The following CNTN5 variants were observed in gnomAD, a reference collection of about 807,000 sequenced individuals.
CNTN5 encodes contactin-5.
In CNTN5, 77 loss-of-function variants were observed where a neutral mutation model predicts 129.1. The observed-to-expected ratio is 0.60, with a 90% CI of 0.50 to 0.72. The LOEUF (loss-of-function observed/expected upper bound fraction) is 0.72, where lower values mean the gene tolerates loss of function less well. Ranked by LOEUF, CNTN5 falls within the 30% of genes least tolerant of loss-of-function variation. CNTN5 has a pLI of 0.00. For synonymous variants in CNTN5, 509 were observed against 465.6 expected, an observed-to-expected ratio of 1.09 and a Z score of -1.20; for missense variants, 1,478 against 1,328.8, an observed-to-expected ratio of 1.11 and a Z score of -1.75.
chr11:100,345,591 A>G (rs1952262597), intron 23 of CNTN5, among the ~76,000 whole-genome samples: 1 of 147,130 alleles, frequency 6.8e-6, no homozygotes. Context: ...AAAAAAAAAG[A>G]GGTTTCCCTA....
rs143116013 is a variant in CNTN5, at chr11:99,126,105, T to C, written c.-210+104835T>C. 3.4e-4 allele frequency among the ~76,000 whole-genome samples: 52 copies of C among 152,320 alleles called. No homozygotes were observed. The East Asian group carries it at 7.0e-3, about 20-fold the overall frequency. ...TGCGATTTTGGGGAGCAATGTTCTATAGGGATATTAAATCTGTTTTTAATT... is the reference window on the plus strand; with the variant it reads ...TGCGATTTTGGGGAGCAATGTTCTACAGGGATATTAAATCTGTTTTTAATT... On this transcript the variant is annotated intron_variant, in intron 1 of 24. Coordinates refer to ENST00000524871, the MANE Select transcript of CNTN5 (RefSeq NM_014361.4).
chr11:99,291,395 G>C (rs73000264), intron 1 of CNTN5, among the ~76,000 whole-genome samples: 2,495 of 151,298 alleles, frequency 0.016, 35 homozygotes, highest in Non-Finnish European at 0.025. Context: ...ATATTAAATG[G>C]CCAATAAATT....
chr11:99,207,399 C>T (rs777319256), intron 1 of CNTN5, among the ~76,000 whole-genome samples: 1 of 152,098 alleles, frequency 6.6e-6, no homozygotes, highest in African/African-American at 2.4e-5. Context: ...ATAATTGTAT[C>T]ATATTGCTGA....
intron 2 of CNTN5, among the ~76,000 whole-genome samples, chr11:99,339,788 GA>G (rs60995909): frequency 0.95 from 133,373 of 140,984 alleles, 63,220 homozygotes; most frequent in East Asian, 0.99. Context: ...ACTCAAAAAA[GA>G]AAAAAAAAAA....
intron 3 of CNTN5, among the ~76,000 whole-genome samples, chr11:99,638,314 TGTG>T (rs1425388997): frequency 6.6e-6 from 1 of 152,066 alleles, no homozygotes; most frequent in African/African-American, 2.4e-5. Flanking sequence ...TTCCACAACA[TGTG>T]GGAATTCTGG....
intron 3 of CNTN5, among the ~76,000 whole-genome samples, chr11:99,576,683 G>A (rs1396682871): frequency 6.6e-6 from 1 of 152,162 alleles, no homozygotes; most frequent in Non-Finnish European, 1.5e-5. Flanking sequence ...TTTCTGGAAG[G>A]TGGGAAGTCC....
chr11:99,796,909 C>A (rs1409873159), intron 3 of CNTN5, among the ~76,000 whole-genome samples: 1 of 152,070 alleles, frequency 6.6e-6, no homozygotes, highest in Non-Finnish European at 1.5e-5. Flanking sequence ...TCTTCTGCTG[C>A]CAGGATTCCA....
At chr11:99,104,541 C>T (rs1024472600) in intron 1 of CNTN5, among the ~76,000 whole-genome samples, 2 of 151,836 alleles carry the variant, frequency 1.3e-5, no homozygotes, top group African/African-American at 4.8e-5. Context: ...TTTACATGTT[C>T]TCACTACAAA....
intron 1 of CNTN5, among the ~76,000 whole-genome samples, chr11:99,203,634 G>T (rs1317171725): frequency 6.6e-6 from 1 of 151,962 alleles, no homozygotes; most frequent in East Asian, 1.9e-4. Flanking sequence ...CTGTCTCCAA[G>T]GTTGGAGTGC....
rs530324869 is a variant in CNTN5 at position 99,963,056 on chromosome 11, T to G, written c.877+6047T>G. On this transcript the variant is annotated intron_variant, in intron 8 of 24. Coordinates refer to ENST00000524871, the MANE Select transcript of CNTN5 (RefSeq NM_014361.4). ...TGAGTTCATTGTAGATTCTGGATAT[T>G]AGCCCTTTGTCAGATGAGTAGATTG... Among the ~76,000 whole-genome samples, 6 of 152,344 alleles carry G rather than the reference T, an allele frequency of 3.9e-5. No homozygotes were observed. In the South Asian group the frequency reaches 1.2e-3, roughly 32 times the overall value.
At chr11:99,925,752 C>T (rs1386416299) in intron 7 of CNTN5, among the ~76,000 whole-genome samples, 1 of 151,426 alleles carries the variant, frequency 6.6e-6, no homozygotes, top group Non-Finnish European at 1.5e-5. Context: ...AATACTTCTT[C>T]TTCAACCTAG....
intron 13 of CNTN5, among the ~76,000 whole-genome samples, chr11:100,158,019 G>A (rs1947315624): frequency 6.6e-6 from 1 of 151,656 alleles, no homozygotes. Context: ...TTTAAAAAGA[G>A]AGAAGGAAAG....
intron 2 of CNTN5, among the ~76,000 whole-genome samples, chr11:99,334,755 ATAAT>A (rs1218469951): frequency 1.3e-5 from 2 of 152,172 alleles, no homozygotes; most frequent in African/African-American, 4.8e-5. Context: ...TATTTTATTA[ATAAT>A]TATCATTTCA....
chr11:99,701,528 AAAT>A (rs760061130), intron 3 of CNTN5, among the ~76,000 whole-genome samples: 9 of 150,624 alleles, frequency 6.0e-5, no homozygotes, highest in African/African-American at 2.2e-4. Flanking sequence ...AACAAAATAA[AAAT>A]AATTTTATGT....
chr11:100,326,922 A>T (rs1337661553), intron 21 of CNTN5, among the ~76,000 whole-genome samples: 1 of 152,186 alleles, frequency 6.6e-6, no homozygotes, highest in Non-Finnish European at 1.5e-5. Flanking sequence ...TGAGAATGTG[A>T]TTGAACGTTT....
chr11:100,304,157 A>T (rs1017281353), intron 20 of CNTN5, among the ~76,000 whole-genome samples: 1 of 151,624 alleles, frequency 6.6e-6, no homozygotes, highest in Non-Finnish European at 1.5e-5. Context: ...AACATTTTTA[A>T]TCTATCAGAA....
intron 7 of CNTN5, among the ~76,000 whole-genome samples, chr11:99,941,627 T>C (rs1950439906): frequency 7.8e-6 from 1 of 128,766 alleles, no homozygotes; most frequent in Admixed American, 7.8e-5. Context: ...AGATTGATTA[T>C]TGATAGTTCT....
chr11:99,848,330 TTAA>T (rs1418532337), intron 6 of CNTN5, among the ~76,000 whole-genome samples: 1 of 152,164 alleles, frequency 6.6e-6, no homozygotes, highest in Non-Finnish European at 1.5e-5. Flanking sequence ...GCTGGAGTGT[TTAA>T]TGTCTGAAAG....
At chr11:99,309,793 C>A (rs1028283332) in intron 1 of CNTN5, among the ~76,000 whole-genome samples, 3 of 152,054 alleles carry the variant, frequency 2.0e-5, no homozygotes, top group African/African-American at 7.2e-5. Flanking sequence ...TAATATTAAT[C>A]AAACAATTGT....
Sources: allele counts gnomAD v4.1 joint callset (sites outside exome capture counted in the v4.1 genomes callset), GRCh38; gene constraint gnomAD v4.1.1; transcripts MANE v1.5; gene names NCBI Gene and HGNC (gene_info 2026-07-23, HGNC 2026-07-21).